Variants in PARP6 observed in about 807,000 individuals in gnomAD.
PARP6 encodes protein mono-ADP-ribosyltransferase PARP6.
Under a neutral mutation model 92.0 loss-of-function variants are expected in PARP6, and 27 were observed. That is an observed-to-expected ratio of 0.29 (90% CI 0.22 to 0.40). The LOEUF is 0.40. Ranked by LOEUF, PARP6 falls within the 10% of genes least tolerant of loss-of-function variation. The probability of loss-of-function intolerance (pLI) is 1.00; values close to 1 mark genes in which losing one functional copy is unlikely to be tolerated. For missense variants in PARP6, 501 were observed against 784.5 expected, an observed-to-expected ratio of 0.64 and a Z score of 4.32; for synonymous variants, 272 against 281.2, an observed-to-expected ratio of 0.97 and a Z score of 0.33.
chr15:72,269,853 T>C (rs2087124739), intron 2 of PARP6, among the ~76,000 whole-genome samples: 1 of 140,596 alleles, frequency 7.1e-6, no homozygotes, highest in Non-Finnish European at 1.5e-5. Flanking sequence ...GAGCCAAGAC[T>C]GCGCCATTGC....
At chr15:72,253,202 A>G (rs908940172) in intron 16 of PARP6, among the ~76,000 whole-genome samples, 1 of 152,012 alleles carries the variant, frequency 6.6e-6, no homozygotes, top group Non-Finnish European at 1.5e-5. Flanking sequence ...AACAATTAAA[A>G]TAAGATTAAA....
intron 9 of PARP6, 67 bp from the exon 10 acceptor site, chr15:72,260,755 A>G: frequency 8.0e-7 from 1 of 1,244,414 alleles, no homozygotes; most frequent in Non-Finnish European, 1.2e-6. Flanking sequence ...AGGGGACTGG[A>G]GATAAGTGAG....
At chr15:72,245,139 G>C (rs936094768) in intron 20 of PARP6, 1 of 152,308 alleles carries the variant, frequency 6.6e-6, no homozygotes, top group Non-Finnish European at 1.5e-5. Context: ...AAGGCAGGCG[G>C]ATCACGAGGT....
Position 72,260,460 on chromosome 15 carries a change from C to T in PARP6, c.756+18G>A. 3 of 1,600,180 alleles carry T rather than the reference C, an allele frequency of 1.9e-6. No homozygotes were observed. In the South Asian group the frequency reaches 3.3e-5, roughly 18 times the overall value. On this transcript the variant is annotated intron_variant, in intron 10 of 23. Coordinates refer to ENST00000569795, the MANE Select transcript of PARP6 (RefSeq NM_001323532.2). ...CACCCTCCTGATAGCCAAGTCAAAC[C>T]CTCCCCAGCCCATGTACCAAAGGAG...
chr15:72,255,784 CTTTTT>C (rs67560148), intron 14 of PARP6, among the ~76,000 whole-genome samples: 51 of 92,834 alleles, frequency 5.5e-4, no homozygotes, highest in African/African-American at 9.9e-4. Flanking sequence ...TTACTTCTCT[CTTTTT>C]TTTTTTTTTT....
At chr15:72,254,423 A>G (rs756913846) in intron 15 of PARP6, 32 bp downstream of exon 15, 1 of 1,485,842 alleles carries the variant, frequency 6.7e-7, no homozygotes, top group South Asian at 1.1e-5. Context: ...CTGGGCAGGC[A>G]AAGGAGAGGG....
intron 14 of PARP6, among the ~76,000 whole-genome samples, chr15:72,254,919 A>C (rs1422299553): frequency 6.6e-6 from 1 of 152,334 alleles, no homozygotes; most frequent in Admixed American, 6.5e-5. Context: ...GTACCCACTC[A>C]TCTGGTCAAC....
chr15:72,249,535 A>G (rs2084057763), intron 19 of PARP6, among the ~76,000 whole-genome samples: 1 of 152,240 alleles, frequency 6.6e-6, no homozygotes, highest in Non-Finnish European at 1.5e-5. Flanking sequence ...AGAGTGGGAA[A>G]TGGTAGAACC....
rs2083068967 is a variant in PARP6 at position 72,241,642 on chromosome 15, G to A, written c.1791-85C>T. On this transcript the variant is annotated intron_variant, in intron 23 of 23. Transcript: ENST00000569795. This position sits in a 1 kb window ranked among gnomAD's most constrained non-coding sequence, Gnocchi z 4.1. ...TCAGTGGAACTGTATTTCAAGGTAT[G>A]GCCATCCCATCCCAGAAGTCAAAGC... 4.7e-6 allele frequency: 5 copies of A among 1,063,848 alleles called. No individual in the cohort carries two copies. Among genetic ancestry groups the A allele is most frequent in the Non-Finnish European group, 7.2e-6 (5 of 691,822 alleles). The allele number at this position is 1,063,848 out of a possible 1,614,324, so 65.9% of individuals were successfully genotyped here. A position where few individuals can be genotyped will look rare whatever the true frequency, so the allele number is the denominator to read the frequency against.
intron 20 of PARP6, chr15:72,244,120 C>G (rs566590755): frequency 1.3e-5 from 2 of 152,308 alleles, no homozygotes; most frequent in African/African-American, 4.8e-5. Context: ...TCCCCATTAG[C>G]CTTAACTAGG....
chr15:72,268,678 G>GT (rs1259987323), intron 2 of PARP6, among the ~76,000 whole-genome samples: 1 of 152,144 alleles, frequency 6.6e-6, no homozygotes, highest in Non-Finnish European at 1.5e-5. Context: ...AGCCTGGACA[G>GT]TAAGAGCAAA....
chr15:72,269,737 T>A (rs1295653758), intron 2 of PARP6, among the ~76,000 whole-genome samples: 1 of 151,312 alleles, frequency 6.6e-6, no homozygotes, highest in African/African-American at 2.4e-5. Flanking sequence ...CCTTCTCCAC[T>A]AAAATAAAAA....
At position 72,250,968 on chromosome 15, in the gene PARP6, T is replaced by TG. The variant is rs2084267407; in HGVS notation, c.1309-15dup. On this transcript the variant is annotated splice_polypyrimidine_tract_variant and intron_variant, in intron 17 of 23. Transcript: ENST00000569795. ...CATGAACTTCAGCTGCTGCCCAGGG[T>TG]GGGGGTGGAATCAGGAAAACAGAGC... The TG allele has an allele frequency of 9.5e-6, 15 of 1,577,884 alleles. No individual in the cohort carries two copies. Among genetic ancestry groups the TG allele is most frequent in the African/African-American group, 1.4e-5 (1 of 73,734 alleles).
intron 1 of PARP6, among the ~76,000 whole-genome samples, chr15:72,272,122 T>C (rs1281836038): frequency 6.6e-6 from 1 of 152,182 alleles, no homozygotes; most frequent in African/African-American, 2.4e-5. Flanking sequence ...AGGTTAGCGC[T>C]ATCTCGGGCA....
chr15:72,269,350 G>A (rs367765212), intron 2 of PARP6, among the ~76,000 whole-genome samples: 11 of 152,072 alleles, frequency 7.2e-5, no homozygotes, highest in African/African-American at 2.4e-4. Flanking sequence ...TAGTAGAGAC[G>A]GGGTTTCACC....
At chr15:72,250,490 T>A in intron 18 of PARP6, 1 of 329,264 alleles carries the variant, frequency 3.0e-6, no homozygotes, top group Non-Finnish European at 5.7e-6. Context: ...TACCACTCCC[T>A]ATAAGTTCTC....
At chr15:72,269,151 GTTCTTC>G (rs527423264) in intron 2 of PARP6, among the ~76,000 whole-genome samples, 2 of 151,924 alleles carry the variant, frequency 1.3e-5, no homozygotes, top group Admixed American at 6.6e-5. Flanking sequence ...CTCTAACACA[GTTCTTC>G]TTCTTCTTCT....
intron 15 of PARP6, among the ~76,000 whole-genome samples, 182 bp downstream of exon 15, chr15:72,254,273 A>G (rs1449590582): frequency 1.3e-5 from 2 of 152,186 alleles, no homozygotes; most frequent in Admixed American, 6.5e-5. Context: ...AAGAGAATAA[A>G]GAGGAGTAAC....
At chr15:72,257,761 T>C (rs551928388) in intron 12 of PARP6, among the ~76,000 whole-genome samples, 4 of 152,258 alleles carry the variant, frequency 2.6e-5, no homozygotes, top group Admixed American at 6.5e-5. Context: ...GGACTTAGAG[T>C]CCTTGAGGAC....
Sources: allele counts gnomAD v4.1 joint callset (sites outside exome capture counted in the v4.1 genomes callset), GRCh38; gene constraint gnomAD v4.1.1; non-coding constraint Gnocchi (gnomAD v3.1); transcripts MANE v1.5; gene names NCBI Gene and HGNC (gene_info 2026-07-23, HGNC 2026-07-21).